CAMK2D: variants seen among roughly 807,000 people sequenced by gnomAD.
CAMK2D encodes the protein calcium/calmodulin-dependent protein kinase type II subunit delta.
A neutral mutation model predicts 84.0 loss-of-function variants in CAMK2D; 37 were observed. That is an observed-to-expected ratio of 0.44 (90% CI 0.34 to 0.58). The LOEUF (loss-of-function observed/expected upper bound fraction) is 0.58. CAMK2D is among the 20% of genes least tolerant of loss of function. The probability of loss-of-function intolerance (pLI) is 0.02; values close to 1 mark genes in which losing one functional copy is unlikely to be tolerated. For missense variants in CAMK2D, 448 were observed against 652.5 expected (o/e 0.69, Z 3.41); for synonymous variants, 202 against 212.5 (o/e 0.95, Z 0.43).
chr4:113,570,993 T>C (rs1016159305), intron 4 of CAMK2D, among the ~76,000 whole-genome samples: 17 of 152,208 alleles, frequency 1.1e-4, no homozygotes, highest in Non-Finnish European at 2.4e-4. Context: ...AGGACCTGAA[T>C]AGACATTTGT....
chr4:113,557,887 A>T (rs977406062), intron 4 of CAMK2D, among the ~76,000 whole-genome samples: 1 of 152,220 alleles, frequency 6.6e-6, no homozygotes, highest in Non-Finnish European at 1.5e-5. Context: ...TGCATATATA[A>T]AACACATTTT....
intron 3 of CAMK2D, among the ~76,000 whole-genome samples, chr4:113,611,834 C>A (rs1012426226): frequency 1.3e-5 from 2 of 152,138 alleles, no homozygotes; most frequent in Non-Finnish European, 2.9e-5. Context: ...GCCAAGTTTA[C>A]TTCTTTTGCA....
At chr4:113,747,362 T>C (rs1179110901) in intron 2 of CAMK2D, among the ~76,000 whole-genome samples, 1 of 150,484 alleles carries the variant, frequency 6.6e-6, no homozygotes, top group Non-Finnish European at 1.5e-5. Flanking sequence ...CTGCTAAAAG[T>C]TCTAGGTCCT....
chr4:113,691,107 T>C (rs756362855), intron 2 of CAMK2D, among the ~76,000 whole-genome samples: 42 of 152,188 alleles, frequency 2.8e-4, no homozygotes, highest in Non-Finnish European at 7.4e-5. Context: ...CCAGAATCCA[T>C]GACAGCAATT....
chr4:113,657,701 G>T (rs1208938945), intron 3 of CAMK2D, among the ~76,000 whole-genome samples: 2 of 152,060 alleles, frequency 1.3e-5, no homozygotes, highest in African/African-American at 4.8e-5. Flanking sequence ...ACCATTTTTA[G>T]TTGGTTTAAA....
chr4:113,705,532 T>C lies in CAMK2D; in HGVS notation c.161-43760A>G, dbSNP rs143482743. 5.9e-3 allele frequency among the ~76,000 whole-genome samples: 898 copies of C among 152,224 alleles called. 10 individuals carry two copies. The highest frequency in any genetic ancestry group is 0.041 in the Middle Eastern group (12 of 294). On this transcript the variant is annotated intron_variant, in intron 2 of 20. Transcript: ENST00000511664. Reference sequence around the variant, plus strand: ...TATCTGGCCTTCAAGAAGGAGACAATGTAAGCTAGCTGGTCTTGAAAAGTT... The same window carrying C: ...TATCTGGCCTTCAAGAAGGAGACAACGTAAGCTAGCTGGTCTTGAAAAGTT...
chr4:113,589,716 G>A (rs1159574330), intron 4 of CAMK2D, among the ~76,000 whole-genome samples: 2 of 152,132 alleles, frequency 1.3e-5, no homozygotes, highest in East Asian at 3.9e-4. Flanking sequence ...ATAGTGAGTA[G>A]GCAACAGAAT....
chr4:113,529,456 T>C (rs1174017716), intron 8 of CAMK2D, among the ~76,000 whole-genome samples: 2 of 152,222 alleles, frequency 1.3e-5, no homozygotes, highest in Non-Finnish European at 2.9e-5. Flanking sequence ...CCAAAGGCAC[T>C]GAAATCTGTC....
At chr4:113,460,906 C>T (rs1313001429) in intron 17 of CAMK2D, among the ~76,000 whole-genome samples, 6 of 151,960 alleles carry the variant, frequency 3.9e-5, no homozygotes, top group South Asian at 2.1e-4. Flanking sequence ...TGCCCAGGCT[C>T]GTCTCGGACT....
intron 9 of CAMK2D, among the ~76,000 whole-genome samples, chr4:113,516,714 TC>T (rs2098288944): frequency 6.6e-6 from 1 of 152,204 alleles, no homozygotes; most frequent in Non-Finnish European, 1.5e-5. Flanking sequence ...CCTCTCACTT[TC>T]ACATTGAGCT....
chr4:113,542,875 T>G (rs1017419261), intron 6 of CAMK2D, among the ~76,000 whole-genome samples: 2 of 152,188 alleles, frequency 1.3e-5, no homozygotes, highest in African/African-American at 2.4e-5. Flanking sequence ...TCTCTTTCTC[T>G]CTCTCTCATA....
intron 17 of CAMK2D, among the ~76,000 whole-genome samples, chr4:113,464,048 T>C (rs1048944090): frequency 6.6e-6 from 1 of 152,224 alleles, no homozygotes; most frequent in African/African-American, 2.4e-5. Context: ...AATCCCCCCA[T>C]ATCTGCCACC....
chr4:113,750,292 T>C (rs1350761050), intron 2 of CAMK2D, among the ~76,000 whole-genome samples: 2 of 152,238 alleles, frequency 1.3e-5, no homozygotes, highest in Middle Eastern at 3.4e-3. Context: ...ACTGCAACAG[T>C]ACCAGGTGTA....
At chr4:113,586,815 A>G (rs1473943679) in intron 4 of CAMK2D, among the ~76,000 whole-genome samples, 1 of 152,182 alleles carries the variant, frequency 6.6e-6, no homozygotes, top group Admixed American at 6.5e-5. Flanking sequence ...TTATAGTAAT[A>G]AAGAGACAAA....
chr4:113,630,439 C>T (rs531807484), intron 3 of CAMK2D, among the ~76,000 whole-genome samples: 6 of 152,176 alleles, frequency 3.9e-5, no homozygotes, highest in East Asian at 1.9e-4. Flanking sequence ...CTTGGGTATA[C>T]GCCATCAATT....
chr4:113,752,417 A>T (rs1224936129), intron 2 of CAMK2D, among the ~76,000 whole-genome samples: 1 of 152,150 alleles, frequency 6.6e-6, no homozygotes, highest in Non-Finnish European at 1.5e-5. Context: ...CAAATATAGA[A>T]CTTGACAATT....
At chr4:113,651,096 A>G (rs544144762) in intron 3 of CAMK2D, among the ~76,000 whole-genome samples, 151 of 152,332 alleles carry the variant, frequency 9.9e-4, no homozygotes, top group African/African-American at 3.5e-3. Flanking sequence ...GTCATTTCAC[A>G]GGATATGTTA....
intron 2 of CAMK2D, among the ~76,000 whole-genome samples, chr4:113,739,391 T>C (rs1048493130): frequency 2.6e-5 from 4 of 152,166 alleles, no homozygotes; most frequent in African/African-American, 9.7e-5. Context: ...TGTCATAGGC[T>C]GTGGGTATCT....
intron 14 of CAMK2D, 55 bp downstream of exon 14, chr4:113,504,921 C>CAA (rs5861139): frequency 7.9e-4 from 648 of 816,570 alleles, no homozygotes; most frequent in South Asian, 1.1e-3. Context: ...AGAGAAACCA[C>CAA]AAAAAAAAAA....
Sources: allele counts gnomAD v4.1 joint callset (sites outside exome capture counted in the v4.1 genomes callset), GRCh38; gene constraint gnomAD v4.1.1; transcripts MANE v1.5; gene names NCBI Gene and HGNC (gene_info 2026-07-23, HGNC 2026-07-21).